Variants in DCTD observed in about 807,000 individuals in gnomAD.
The protein encoded by DCTD is dCMP deaminase, also known as deoxycytidylate deaminase.
Under a neutral mutation model 21.0 loss-of-function variants are expected in DCTD, and 23 were observed. The ratio of observed to expected loss-of-function variants is 1.09; its 90% CI spans 0.79 to 1.55. The LOEUF (loss-of-function observed/expected upper bound fraction) is 1.55, where lower values mean the gene tolerates loss of function less well. Ranked by LOEUF, DCTD falls within the 40% of genes most tolerant of loss-of-function variation. The pLI, the probability that DCTD is intolerant of heterozygous loss-of-function variation, is 0.00. For synonymous variants in DCTD, 71 were observed against 81.1 expected, an observed-to-expected ratio of 0.88 and a Z score of 0.67; for missense variants, 224 against 230.0, an observed-to-expected ratio of 0.97 and a Z score of 0.17.
At chr4:182,892,589 A>G (rs1229920169) in intron 5 of DCTD, among the ~76,000 whole-genome samples, 2 of 151,828 alleles carry the variant, frequency 1.3e-5, no homozygotes, top group Non-Finnish European at 2.9e-5. Flanking sequence ...GGATCGCACC[A>G]CTGCACTCTA....
intron 3 of DCTD, among the ~76,000 whole-genome samples, chr4:182,913,871 TAGAC>T (rs879017708): frequency 2.6e-5 from 4 of 152,298 alleles, no homozygotes; most frequent in Admixed American, 2.6e-4. Flanking sequence ...CCCTGGGGCT[TAGAC>T]AGGCAACAAA....
At chr4:182,916,598 G>A in intron 1 of DCTD, 1 of 994,084 alleles carries the variant, frequency 1.0e-6, no homozygotes, top group Non-Finnish European at 1.2e-6. Flanking sequence ...CACTGATTAC[G>A]CTGCCCCACA....
intron 5 of DCTD, among the ~76,000 whole-genome samples, chr4:182,891,965 T>C (rs895167384): frequency 6.6e-6 from 1 of 151,752 alleles, no homozygotes; most frequent in Non-Finnish European, 1.5e-5. Flanking sequence ...AACTTTTTTT[T>C]TTTTTTTTTT....
At chr4:182,895,625 C>T (rs1296323480) in intron 3 of DCTD, among the ~76,000 whole-genome samples, 1 of 152,194 alleles carries the variant, frequency 6.6e-6, no homozygotes, top group Non-Finnish European at 1.5e-5. Flanking sequence ...TGAGTGGTGC[C>T]CACAGCACAC....
rs183728377 is a variant in DCTD, at chr4:182,912,506, T to C, written c.244+2417A>G. ...GCTTTGAAAACCTAGAGGTATCATA[T>C]GGATAATAAAAAATAATGCAGACAG... On this transcript the variant is annotated intron_variant, in intron 3 of 5. Coordinates refer to ENST00000438320, the MANE Select transcript of DCTD (RefSeq NM_001921.3). 9.9e-5 allele frequency among the ~76,000 whole-genome samples: 15 copies of C among 152,260 alleles called. No individual in the cohort carries two copies. In the East Asian group the frequency reaches 2.9e-3, roughly 29 times the overall value.
At chr4:182,904,401 A>T (rs759635106) in intron 3 of DCTD, among the ~76,000 whole-genome samples, 6 of 152,224 alleles carry the variant, frequency 3.9e-5, no homozygotes, top group Non-Finnish European at 8.8e-5. Context: ...AACAGCACCA[A>T]GAGAAACAGA....
intron 5 of DCTD, among the ~76,000 whole-genome samples, chr4:182,892,571 G>C (rs1030711791): frequency 2.0e-5 from 3 of 152,044 alleles, no homozygotes; most frequent in African/African-American, 2.4e-5. Context: ...GGAGGTTGCA[G>C]TGAGCCAGGA....
intron 3 of DCTD, among the ~76,000 whole-genome samples, chr4:182,906,631 T>A (rs888057768): frequency 6.6e-6 from 1 of 152,248 alleles, no homozygotes; most frequent in Non-Finnish European, 1.5e-5. Context: ...GACTCGTTAG[T>A]ACTTATTTTA....
intron 3 of DCTD, among the ~76,000 whole-genome samples, chr4:182,902,923 T>C (rs1367345688): frequency 6.6e-6 from 1 of 152,240 alleles, no homozygotes; most frequent in African/African-American, 2.4e-5. Flanking sequence ...CAAGGGGAAC[T>C]GAATCTTCAA....
chr4:182,892,672 C>T (rs893556716), intron 5 of DCTD, among the ~76,000 whole-genome samples: 5 of 152,092 alleles, frequency 3.3e-5, no homozygotes, highest in Non-Finnish European at 5.9e-5. Context: ...TGGCAGGCTA[C>T]TTTCATCCTA....
chr4:182,911,383 G>A (rs1324551035), intron 3 of DCTD: 1 of 152,182 alleles, frequency 6.6e-6, no homozygotes, highest in Non-Finnish European at 1.5e-5. Context: ...ACTCCCCTTT[G>A]AAGAAATGTT....
chr4:182,909,474 C>T (rs1737296428), intron 3 of DCTD, among the ~76,000 whole-genome samples: 1 of 152,166 alleles, frequency 6.6e-6, no homozygotes, highest in African/African-American at 2.4e-5. Context: ...GACCTGCTGT[C>T]GGGCCACAAC....
intron 3 of DCTD, among the ~76,000 whole-genome samples, chr4:182,904,635 A>G (rs1396809179): frequency 6.6e-6 from 1 of 152,132 alleles, no homozygotes; most frequent in Non-Finnish European, 1.5e-5. Context: ...ATTCTCAGAT[A>G]AGATGTGAGC....
At chr4:182,891,826 G>A (rs1015959208) in intron 5 of DCTD, among the ~76,000 whole-genome samples, 2 of 152,132 alleles carry the variant, frequency 1.3e-5, no homozygotes, top group African/African-American at 4.8e-5. Flanking sequence ...AATTTCTGCA[G>A]CCAACTTGGA....
At chr4:182,909,578 C>T (rs80066029) in intron 3 of DCTD, among the ~76,000 whole-genome samples, 4,955 of 152,226 alleles carry the variant, frequency 0.033, 267 homozygotes, top group African/African-American at 0.11. Context: ...AATTCATGGA[C>T]TGACTAACGA....
chr4:182,900,317 G>GA (rs139141198), intron 3 of DCTD, among the ~76,000 whole-genome samples: 7,009 of 143,222 alleles, frequency 0.049, 155 homozygotes, highest in Non-Finnish European at 0.056. Flanking sequence ...CCCCATCTCA[G>GA]AAAAAAAAAA....
intron 5 of DCTD, among the ~76,000 whole-genome samples, chr4:182,892,636 A>AG (rs1420837335): frequency 6.6e-6 from 1 of 151,780 alleles, no homozygotes; most frequent in Non-Finnish European, 1.5e-5. Context: ...TCAAAAAAAA[A>AG]AGAGAGAATC....
chr4:182,899,727 T>C (rs886121357), intron 3 of DCTD, among the ~76,000 whole-genome samples: 2 of 152,156 alleles, frequency 1.3e-5, no homozygotes, highest in African/African-American at 4.8e-5. Flanking sequence ...AATCCATCTG[T>C]TCATAGATTC....
Position 182,893,035 on chromosome 4 carries a change from A to C in DCTD, c.454T>G (p.Phe152Val), listed in dbSNP as rs752056632. The change falls in exon 5 of 6, where the codon TTC (phenylalanine) becomes GTC (valine). Residue 152 changes from phenylalanine (F) to valine (V), a missense_variant. Coordinates refer to ENST00000438320, the MANE Select transcript of DCTD (RefSeq NM_001921.3). Reference sequence around the variant, plus strand: ...GCCCGCATTCTCCCCACTTACCGGAATGTCACCCCGGCCATATTAAACAGG... The same window carrying C: ...GCCCGCATTCTCCCCACTTACCGGACTGTCACCCCGGCCATATTAAACAGG... ...RLLFNMAGVT[F>V]RKFIPKCSKI... 9.3e-6 allele frequency: 15 copies of C among 1,605,864 alleles called. No homozygotes were observed. The African/African-American group carries it at 2.0e-4, about 21-fold the overall frequency.
Sources: gnomAD v4.1 joint callset for allele counts (sites outside exome capture counted in the v4.1 genomes callset) on GRCh38, gnomAD v4.1.1 for gene constraint, MANE v1.5 for transcripts, NCBI Gene and HGNC (gene_info 2026-07-23, HGNC 2026-07-21) for gene names.